Variants in PDE1C observed in about 807,000 individuals in gnomAD.
The protein encoded by PDE1C is dual specificity calcium/calmodulin-dependent 3',5'-cyclic nucleotide phosphodiesterase 1C.
A neutral mutation model predicts 93.1 loss-of-function variants in PDE1C; 62 were observed. The observed-to-expected ratio is 0.67, with a 90% CI of 0.54 to 0.82. The LOEUF is 0.82. PDE1C is among the 40% of genes least tolerant of loss of function. The pLI is 0.00. For synonymous variants in PDE1C, 325 were observed against 310.1 expected, an observed-to-expected ratio of 1.05 and a Z score of -0.50; for missense variants, 742 against 884.6, an observed-to-expected ratio of 0.84 and a Z score of 2.04.
chr7:32,034,029 TAATC>T (rs1013200126), intron 2 of PDE1C, among the ~76,000 whole-genome samples: 1 of 149,368 alleles, frequency 6.7e-6, no homozygotes, highest in African/African-American at 2.5e-5. Flanking sequence ...AAATTAGACT[TAATC>T]AGTGGTAGTA....
chr7:32,359,225 C>T (rs1336260975), intron 1 of PDE1C, among the ~76,000 whole-genome samples: 1 of 152,156 alleles, frequency 6.6e-6, no homozygotes, highest in East Asian at 1.9e-4. Context: ...TTTCCCCGAA[C>T]CCTGCTCCTT....
chr7:31,739,233 A>ACG, the PDE1C span, among the ~76,000 whole-genome samples: 1 of 151,292 alleles, frequency 6.6e-6, no homozygotes, highest in South Asian at 2.1e-4. Flanking sequence ...ACACACACAC[A>ACG]CACACCAGCT....
the PDE1C span, among the ~76,000 whole-genome samples, chr7:31,716,471 C>T: frequency 3.9e-5 from 6 of 152,264 alleles, no homozygotes; most frequent in South Asian, 1.2e-3. Context: ...ACTATAGTAT[C>T]TAATACTGAC....
intron 16 of PDE1C, among the ~76,000 whole-genome samples, chr7:31,791,704 CAGAT>C (rs1450274659): frequency 1.1e-4 from 16 of 152,040 alleles, no homozygotes; most frequent in Non-Finnish European, 1.5e-5. Context: ...AAGCTAGAGA[CAGAT>C]AGCTGGGGAC....
At chr7:31,913,113 T>C (rs1801454676) in intron 2 of PDE1C, among the ~76,000 whole-genome samples, 1 of 152,176 alleles carries the variant, frequency 6.6e-6, no homozygotes, top group South Asian at 2.1e-4. Flanking sequence ...TCCAGCATCC[T>C]GAACCTCAGC....
chr7:31,673,967 C>T, the PDE1C span, among the ~76,000 whole-genome samples: 6 of 152,136 alleles, frequency 3.9e-5, no homozygotes, highest in African/African-American at 1.4e-4. Flanking sequence ...GAAAAACTTG[C>T]TGGGGCATGC....
intron 2 of PDE1C, among the ~76,000 whole-genome samples, chr7:32,029,356 G>A (rs1789953153): frequency 6.6e-6 from 1 of 152,066 alleles, no homozygotes; most frequent in African/African-American, 2.4e-5. Context: ...TTTATCCAAA[G>A]GATTTGAAAT....
chr7:31,952,579 T>C (rs905150625), intron 2 of PDE1C, among the ~76,000 whole-genome samples: 1 of 152,098 alleles, frequency 6.6e-6, no homozygotes, highest in Non-Finnish European at 1.5e-5. Context: ...AAAACGTTAC[T>C]CTATGAGGAG....
At chr7:31,852,021 T>C (rs1793403696) in intron 7 of PDE1C, among the ~76,000 whole-genome samples, 1 of 152,176 alleles carries the variant, frequency 6.6e-6, no homozygotes, top group Non-Finnish European at 1.5e-5. Flanking sequence ...AGCCCTGTGG[T>C]CTGAATTAAA....
intron 16 of PDE1C, 73 bp from the exon 17 acceptor site, chr7:31,775,805 T>A: frequency 7.9e-7 from 1 of 1,261,092 alleles, no homozygotes; most frequent in Non-Finnish European, 1.2e-6. Flanking sequence ...AATGTTCATC[T>A]GAAATGTTAT....
intron 2 of PDE1C, among the ~76,000 whole-genome samples, chr7:31,978,633 TTCACA>T (rs1475845425): frequency 6.6e-6 from 1 of 152,186 alleles, no homozygotes; most frequent in Non-Finnish European, 1.5e-5. Flanking sequence ...TGCCAAGACC[TTCACA>T]GCAACCTGTA....
intron 1 of PDE1C, among the ~76,000 whole-genome samples, chr7:32,065,055 G>GT (rs1252499770): frequency 3.0e-5 from 1 of 33,452 alleles, no homozygotes; most frequent in Admixed American, 2.6e-4. Flanking sequence ...CGGCGGTGGG[G>GT]GGGGGGGGGA....
the PDE1C span, among the ~76,000 whole-genome samples, chr7:31,644,941 T>G: frequency 6.6e-6 from 1 of 152,202 alleles, no homozygotes; most frequent in Non-Finnish European, 1.5e-5. Flanking sequence ...TCCACAAATA[T>G]TTAGTGAGTG....
chr7:32,010,689 C>CA (rs1300201986), intron 2 of PDE1C, among the ~76,000 whole-genome samples: 1 of 152,188 alleles, frequency 6.6e-6, no homozygotes, highest in African/African-American at 2.4e-5. Context: ...ATCAAGGTGT[C>CA]AGCAAGGTTA....
intron 7 of PDE1C, among the ~76,000 whole-genome samples, chr7:31,851,700 GTTA>G (rs1244260659): frequency 2.1e-4 from 32 of 152,124 alleles, no homozygotes; most frequent in Admixed American, 2.0e-3. Context: ...AATTGTATTT[GTTA>G]TTATAATTAT....
chr7:32,359,509 T>C (rs1435246008), intron 1 of PDE1C, among the ~76,000 whole-genome samples: 1 of 152,236 alleles, frequency 6.6e-6, no homozygotes, highest in African/African-American at 2.4e-5. Flanking sequence ...TTGTTGCCTC[T>C]ATGTCTCCAA....
At chr7:31,770,039 G>A (rs1276622614) in intron 17 of PDE1C, among the ~76,000 whole-genome samples, 1 of 152,140 alleles carries the variant, frequency 6.6e-6, no homozygotes, top group African/African-American at 2.4e-5. Flanking sequence ...ATGTGAGGGT[G>A]CTAATTTCAC....
chr7:31,632,607 C>T, the PDE1C span, among the ~76,000 whole-genome samples: 1 of 152,016 alleles, frequency 6.6e-6, no homozygotes, highest in Non-Finnish European at 1.5e-5. Context: ...TCAGTGTAAC[C>T]CAACACTGGG....
intron 2 of PDE1C, among the ~76,000 whole-genome samples, chr7:31,959,530 G>T (rs190448590): frequency 4.6e-5 from 7 of 152,166 alleles, no homozygotes; most frequent in Admixed American, 3.3e-4. Context: ...TGGTCAATTG[G>T]ATGCTAACAA....
Sources: allele counts gnomAD v4.1 joint callset (sites outside exome capture counted in the v4.1 genomes callset), GRCh38; gene constraint gnomAD v4.1.1; transcripts MANE v1.5; gene names NCBI Gene and HGNC (gene_info 2026-07-23, HGNC 2026-07-21).